DIAPH2: variants seen among roughly 807,000 people sequenced by gnomAD.
DIAPH2 encodes diaphanous related formin 2, also known as protein diaphanous homolog 2.
In DIAPH2, 35 loss-of-function variants were observed where a neutral mutation model predicts 92.7. That is an observed-to-expected ratio of 0.38 (90% CI 0.29 to 0.50). The LOEUF is 0.50. Ranked by LOEUF, DIAPH2 falls within the 20% of genes least tolerant of loss-of-function variation. DIAPH2 has a pLI of 0.94. For missense variants in DIAPH2, 701 were observed against 819.5 expected (o/e 0.86, Z 1.77); for synonymous variants, 301 against 280.4 (o/e 1.07, Z -0.73).
intron 25 of DIAPH2, among the ~76,000 whole-genome samples, chrX:97,391,678 T>TG (rs1008004778): frequency 3.6e-5 from 4 of 111,813 alleles, no homozygotes; most frequent in Non-Finnish European, 7.5e-5. Flanking sequence ...CCCAACCTTT[T>TG]TTTTTTAACA....
chrX:96,862,905 A>G (rs753905268), intron 4 of DIAPH2, among the ~76,000 whole-genome samples: 5 of 111,234 alleles, frequency 4.5e-5, no homozygotes, highest in Non-Finnish European at 9.4e-5. Flanking sequence ...AGTCAACAAG[A>G]AGGTGTTAGG....
intron 17 of DIAPH2, among the ~76,000 whole-genome samples, chrX:96,965,463 G>A (rs1305371746): frequency 1.8e-5 from 2 of 111,406 alleles, no homozygotes; most frequent in African/African-American, 3.3e-5. Context: ...AAATATGTGT[G>A]TTGCACTGCT....
At chrX:97,095,100 T>TTC (rs2066857119) in intron 19 of DIAPH2, among the ~76,000 whole-genome samples, 1 of 22,225 alleles carries the variant, frequency 4.5e-5, no homozygotes, top group African/African-American at 2.8e-4. Flanking sequence ...TTCTTTTTCT[T>TTC]TTTTTTTTTT....
At position 96,923,901 on chromosome X, in the gene DIAPH2, G is replaced by A. The variant is rs145277336; in HGVS notation, c.978+5284G>A. Among the ~76,000 whole-genome samples the A allele has an allele frequency of 1.9e-4, 21 of 111,535 alleles. No homozygotes were observed. In the East Asian group the frequency reaches 5.4e-3, roughly 29 times the overall value. ...TTAAATTATATCTAGTTTATTTTGC[G>A]TAAGAATGTGGGAATTATATAATTC... On this transcript the variant is annotated intron_variant, in intron 9 of 26. Coordinates refer to ENST00000324765, the MANE Select transcript of DIAPH2 (RefSeq NM_006729.5).
chrX:97,062,490 A>C (rs2066605872), intron 17 of DIAPH2, among the ~76,000 whole-genome samples: 1 of 111,272 alleles, frequency 9.0e-6, no homozygotes, highest in South Asian at 3.8e-4. Context: ...AATTCAGATC[A>C]CAAGTAAATG....
chrX:97,443,116 G>A (rs997955430), intron 26 of DIAPH2, among the ~76,000 whole-genome samples: 3 of 111,138 alleles, frequency 2.7e-5, no homozygotes, highest in African/African-American at 9.8e-5. Context: ...GCCCATGCTG[G>A]TCTCGAACTC....
chrX:96,892,171 T>C (rs1163225606), intron 5 of DIAPH2, among the ~76,000 whole-genome samples: 1 of 111,636 alleles, frequency 9.0e-6, no homozygotes, highest in Non-Finnish European at 1.9e-5. Context: ...AGAAAGTTAA[T>C]ATAAAGGTAG....
chrX:97,252,716 G>GTTTTGTTT (rs2068198419), intron 23 of DIAPH2, among the ~76,000 whole-genome samples: 1 of 104,294 alleles, frequency 9.6e-6, no homozygotes, highest in Non-Finnish European at 2.0e-5. Flanking sequence ...CAAAGCTGTT[G>GTTTTGTTT]TGTTTTGTTT....
chrX:96,687,978 G>A (rs1230741223), intron 1 of DIAPH2, among the ~76,000 whole-genome samples: 12 of 111,634 alleles, frequency 1.1e-4, no homozygotes, highest in African/African-American at 2.3e-4. Flanking sequence ...CAAACAGCAT[G>A]AATCTTAGAT....
chrX:97,310,826 T>C (rs927700015), intron 23 of DIAPH2, among the ~76,000 whole-genome samples: 2 of 110,845 alleles, frequency 1.8e-5, no homozygotes, highest in African/African-American at 6.6e-5. Context: ...CTGGCCAACA[T>C]GGTGAAACCC....
chrX:96,813,845 A>G (rs925023284), intron 4 of DIAPH2, among the ~76,000 whole-genome samples: 4 of 111,965 alleles, frequency 3.6e-5, no homozygotes, highest in Admixed American at 9.5e-5. Context: ...ACTTTTGAAT[A>G]TTGGCCCCCT....
At chrX:97,320,447 C>A (rs2068882558) in intron 23 of DIAPH2, among the ~76,000 whole-genome samples, 2 of 111,025 alleles carry the variant, frequency 1.8e-5, no homozygotes, top group Admixed American at 1.9e-4. Context: ...GGCGCGGTAG[C>A]TCTTGGCTGT....
intron 4 of DIAPH2, among the ~76,000 whole-genome samples, chrX:96,851,988 TA>T (rs1041815514): frequency 8.9e-6 from 1 of 112,248 alleles, no homozygotes; most frequent in Non-Finnish European, 1.9e-5. Context: ...CTATGGTAGT[TA>T]AAACTTTTTA....
chrX:96,966,938 A>G (rs1341124803), intron 17 of DIAPH2, among the ~76,000 whole-genome samples: 1 of 112,117 alleles, frequency 8.9e-6, no homozygotes, highest in Non-Finnish European at 1.9e-5. Context: ...AAAATGGTAA[A>G]TCATTGTTGT....
intron 26 of DIAPH2, among the ~76,000 whole-genome samples, chrX:97,473,392 T>C (rs1016497418): frequency 9.0e-6 from 1 of 111,708 alleles, no homozygotes; most frequent in African/African-American, 3.3e-5. Flanking sequence ...TGGAGTGCAA[T>C]GGCGTAATCT....
intron 7 of DIAPH2, among the ~76,000 whole-genome samples, chrX:96,914,834 A>G (rs1021905582): frequency 1.8e-5 from 2 of 111,663 alleles, no homozygotes; most frequent in Non-Finnish European, 3.8e-5. Context: ...GGATTAATGG[A>G]TCTTTTGAAT....
At chrX:97,545,533 A>AAATATAT (rs1260118151) in intron 26 of DIAPH2, among the ~76,000 whole-genome samples, 10 of 79,354 alleles carry the variant, frequency 1.3e-4, no homozygotes, top group African/African-American at 4.0e-4. Context: ...AAAAAAAAAA[A>AAATATAT]ATATATATAT....
chrX:97,185,393 G>A lies in DIAPH2; in HGVS notation c.2719+43599G>A, dbSNP rs373469731. ...TGTATATATATATGTATATATATAT[G>A]TGTATATATATATATATGTATATAT... On this transcript the variant is annotated intron_variant, in intron 22 of 26. Coordinates refer to ENST00000324765, the MANE Select transcript of DIAPH2 (RefSeq NM_006729.5). 5.1e-3 allele frequency among the ~76,000 whole-genome samples: 77 copies of A among 15,046 alleles called. 8 individuals carry two copies. Among genetic ancestry groups the A allele is most frequent in the African/African-American group, 0.034 (60 of 1,787 alleles). 13.1% of individuals were successfully genotyped at this position (15,046 alleles called of 115,157 possible). A position where few individuals can be genotyped will look rare whatever the true frequency, so the allele number is the denominator to read the frequency against.
At chrX:96,733,011 A>G (rs1370305729) in intron 1 of DIAPH2, among the ~76,000 whole-genome samples, 1 of 111,727 alleles carries the variant, frequency 9.0e-6, no homozygotes, top group Non-Finnish European at 1.9e-5. Flanking sequence ...ATTCATCTTT[A>G]TTCTATAGGT....
Sources: gnomAD v4.1 joint callset for allele counts (sites outside exome capture counted in the v4.1 genomes callset) on GRCh38, gnomAD v4.1.1 for gene constraint, MANE v1.5 for transcripts, NCBI Gene and HGNC (gene_info 2026-07-23, HGNC 2026-07-21) for gene names.